The following ITGB4 variants were observed in gnomAD, a reference collection of about 807,000 sequenced individuals.
The protein encoded by ITGB4 is integrin subunit beta 4, also known as integrin beta-4.
ITGB4 carries 159 observed loss-of-function variants against 207.6 expected under a neutral mutation model. That is an observed-to-expected ratio of 0.77 (90% CI 0.67 to 0.87). ITGB4 has a LOEUF of 0.87. Among genes scored for constraint, ITGB4 ranks in the 40% least tolerant of loss-of-function variants. The pLI is 0.00. For missense variants in ITGB4, 2,278 were observed against 2,546.8 expected, an observed-to-expected ratio of 0.89 and a Z score of 2.27; for synonymous variants, 1,020 against 1,062.7, an observed-to-expected ratio of 0.96 and a Z score of 0.78.
Position 75,727,325 on chromosome 17 carries a change from AG to A in ITGB4, c.162+49del. On this transcript the variant is annotated intron_variant, in intron 3 of 39. Coordinates refer to ENST00000200181, the MANE Select transcript of ITGB4 (RefSeq NM_000213.5). The surrounding 1 kb of genome is among the most constrained non-coding windows in gnomAD (Gnocchi z 6.0). ...TGTGGAACAGGCAAGGGTCGGGAAT[AG>A]CTGGTGGAAATGAATCTAGGGTTGG... The A allele has an allele frequency of 6.2e-7, 1 of 1,612,640 alleles. No individual in the cohort carries two copies. Among genetic ancestry groups the A allele is most frequent in the African/African-American group, 1.3e-5 (1 of 75,050 alleles).
In ITGB4 at chr17:75,753,977, G is replaced by T; in HGVS notation, c.4318+3G>T. The T allele has an allele frequency of 8.1e-7, 1 of 1,239,062 alleles. No individual in the cohort carries two copies. Among genetic ancestry groups the T allele is most frequent in the African/African-American group, 1.6e-5 (1 of 63,716 alleles). 76.8% of individuals were successfully genotyped at this position (1,239,062 alleles called of 1,614,324 possible). On this transcript the variant is annotated splice_donor_region_variant and intron_variant, in intron 33 of 39. Transcript: ENST00000200181. Reference sequence around the variant, plus strand: ...TGCGACACCCGGGCCCCCCGGAGGTGACAGGCTCACCCGCCGCCCCCCGAT... The same window carrying T: ...TGCGACACCCGGGCCCCCCGGAGGTTACAGGCTCACCCGCCGCCCCCCGAT...
rs1236555706 is a variant in ITGB4 at position 75,727,005 on chromosome 17, G to A, written c.80-190G>A. 2.0e-5 allele frequency among the ~76,000 whole-genome samples: 3 copies of A among 151,820 alleles called. No individual in the cohort carries two copies. Among genetic ancestry groups the A allele is most frequent in the Non-Finnish European group, 4.4e-5 (3 of 67,972 alleles). ...GGAGAATGGCGTGAACACGGGTGGT[G>A]GAGCTTGCAGTGAGCCAGGATCACG... On this transcript the variant is annotated intron_variant, in intron 2 of 39. Coordinates refer to ENST00000200181, the MANE Select transcript of ITGB4 (RefSeq NM_000213.5). The surrounding 1 kb of genome is among the most constrained non-coding windows in gnomAD (Gnocchi z 6.0).
intron 34 of ITGB4, chr17:75,755,215 T>C: frequency 6.2e-7 from 1 of 1,602,278 alleles, no homozygotes; most frequent in African/African-American, 1.3e-5. Flanking sequence ...GGGGCCCAGG[T>C]AGTACAGGGG....
In ITGB4 at chr17:75,731,091, C is replaced by G; in HGVS notation, c.1092+127C>G. 7.0e-7 allele frequency: 1 copy of G among 1,420,794 alleles called. No homozygotes were observed. 88.0% of individuals were successfully genotyped at this position (1,420,794 alleles called of 1,614,324 possible). A position where few individuals can be genotyped will look rare whatever the true frequency, so the allele number is the denominator to read the frequency against. On this transcript the variant is annotated intron_variant, in intron 9 of 39. Transcript: ENST00000200181. This position sits in a 1 kb window ranked among gnomAD's most constrained non-coding sequence, Gnocchi z 6.8. ...CTGGGACAGACCAGTGAGGAAGGGT[C>G]TCTAGCTATCCCTGAGGCCCCGAGG...
intron 23 of ITGB4, among the ~76,000 whole-genome samples, chr17:75,741,397 A>G (rs2061106552): frequency 6.6e-6 from 1 of 152,060 alleles, no homozygotes; most frequent in South Asian, 2.1e-4. Context: ...CAGGTCACAC[A>G]CCTTTTTTCC....
Position 75,731,036 on chromosome 17 carries a change from G to GGTGT in ITGB4, c.1092+73_1092+76dup. Reference sequence around the variant, plus strand: ...CAGGAAGTGGGCAGGGTGGGCAAGAGGTGTCTTGGATCACGGTGGAGAAAT... The same window carrying GGTGT: ...CAGGAAGTGGGCAGGGTGGGCAAGAGGTGTGTGTCTTGGATCACGGTGGAGAAAT... On this transcript the variant is annotated intron_variant, in intron 9 of 39. Transcript: ENST00000200181. This position sits in a 1 kb window ranked among gnomAD's most constrained non-coding sequence, Gnocchi z 6.8. The GGTGT allele has an allele frequency of 6.8e-7, 1 of 1,473,872 alleles. No homozygotes were observed. Among genetic ancestry groups the GGTGT allele is most frequent in the Non-Finnish European group, 9.5e-7 (1 of 1,055,328 alleles). The allele number at this position is 1,473,872 out of a possible 1,614,324, so 91.3% of individuals were successfully genotyped here.
chr17:75,730,018 T>C (rs1364581375), intron 7 of ITGB4, among the ~76,000 whole-genome samples: 1 of 152,254 alleles, frequency 6.6e-6, no homozygotes. Context: ...TGCACGCCTG[T>C]GGCCCCAGCG....
chr17:75,755,454 G>C (rs1054764197), intron 34 of ITGB4, among the ~76,000 whole-genome samples: 1 of 152,156 alleles, frequency 6.6e-6, no homozygotes, highest in Admixed American at 6.5e-5. Flanking sequence ...CTGAGCAGTT[G>C]AGGGGGTGGG....
rs745944120 is a variant in ITGB4, at chr17:75,755,846, C to T, written c.4704C>T (p.Asn1568=). ...ACAGTGTGGAGTACCAGCTGCTGAA[C>T]GGCGGTGAGGCATGGTGGCTGCCAG... ...QGYSVEYQLL[N]GGELHRLNIP... is the part of the protein sequence containing the mutation. Residue 1568 remains asparagine (N), a synonymous_variant, in exon 35 of 40, where the codon AAC becomes AAT. Transcript: ENST00000200181. 38 of 1,603,528 alleles carry T rather than the reference C, an allele frequency of 2.4e-5. No individual in the cohort carries two copies. The highest frequency in any genetic ancestry group is 2.3e-4 in the South Asian group (21 of 90,904).
rs967283519 is a variant in ITGB4 at position 75,722,278 on chromosome 17, C to T, written c.-11+666C>T. ...CACTGCCACCTCCTGCAGCATCCGC[C>T]CTCTTTCCCATGGCTCAGCCTCTGG... On this transcript the variant is annotated intron_variant, in intron 1 of 39. Transcript: ENST00000200181. This position sits in a 1 kb window ranked among gnomAD's most constrained non-coding sequence, Gnocchi z 6.2. Among the ~76,000 whole-genome samples the T allele has an allele frequency of 7.2e-5, 11 of 152,194 alleles. No individual in the cohort carries two copies. The highest frequency in any genetic ancestry group is 4.6e-4 in the Admixed American group (7 of 15,286).
chr17:75,753,831 T>C lies in ITGB4; in HGVS notation c.4175T>C (p.Leu1392Pro). Residue 1392 changes from leucine (L) to proline (P), a missense_variant, in exon 33 of 40, where the codon CTG becomes CCG. Coordinates refer to ENST00000200181, the MANE Select transcript of ITGB4 (RefSeq NM_000213.5). ...GACCTGCGGCGCGTCACGTGGCGGC[T>C]GCCCCCGGAGCTCATCCCGCGCCTG... ...ELDLRRVTWR[L>P]PPELIPRLSA... 1 of 1,456,872 alleles carries C rather than the reference T, an allele frequency of 6.9e-7. No homozygotes were observed. The highest frequency in any genetic ancestry group is 9.0e-7 in the Non-Finnish European group (1 of 1,105,578). 90.2% of individuals were successfully genotyped at this position (1,456,872 alleles called of 1,614,324 possible). A position where few individuals can be genotyped will look rare whatever the true frequency, so the allele number is the denominator to read the frequency against.
rs537424300 is a variant in ITGB4, at chr17:75,739,254, C to T, written c.2221-418C>T. Among the ~76,000 whole-genome samples, 4 of 151,332 alleles carry T rather than the reference C, an allele frequency of 2.6e-5. No individual in the cohort carries two copies. Among genetic ancestry groups the T allele is most frequent in the South Asian group, 2.1e-4 (1 of 4,798 alleles). Reference sequence around the variant, plus strand: ...AGGTTGCAGTGAGCCGCGATCGTGCCACTGCATTCCAGCCTGGGCAACAGA... The same window carrying T: ...AGGTTGCAGTGAGCCGCGATCGTGCTACTGCATTCCAGCCTGGGCAACAGA... On this transcript the variant is annotated intron_variant, in intron 18 of 39. Transcript: ENST00000200181. The surrounding 1 kb of genome is among the most constrained non-coding windows in gnomAD (Gnocchi z 5.4).
rs763417144 is a variant in ITGB4, at chr17:75,740,869, C to T, written c.2609+18C>T. 11 of 1,613,442 alleles carry T rather than the reference C, an allele frequency of 6.8e-6. 1 individual carries two copies. The highest frequency in any genetic ancestry group is 1.7e-4 in the Middle Eastern group (1 of 5,838). ...AAGTTCCGGTGAGTCCCGGGGTGCC[C>T]GGGTTGGGTGGGGGAGCCGCTCCTA... On this transcript the variant is annotated intron_variant, in intron 22 of 39. Coordinates refer to ENST00000200181, the MANE Select transcript of ITGB4 (RefSeq NM_000213.5). The surrounding 1 kb of genome is among the most constrained non-coding windows in gnomAD (Gnocchi z 5.9).
chr17:75,733,643 C>T lies in ITGB4; in HGVS notation c.1608C>T (p.Cys536=). The change falls in exon 13 of 40, where the codon TGC becomes TGT. Residue 536 remains cysteine (C), a synonymous_variant. Coordinates refer to ENST00000200181, the MANE Select transcript of ITGB4 (RefSeq NM_000213.5). ...AAGGCCGCTACGAGGGTCAGTTCTG[C>T]GAGTATGACAACTTCCAGTGTCCCC... ...YGEGRYEGQF[C]EYDNFQCPRT... The T allele has an allele frequency of 4.3e-6, 7 of 1,614,196 alleles. No homozygotes were observed. Among genetic ancestry groups the T allele is most frequent in the South Asian group, 1.1e-5 (1 of 91,088 alleles).
Position 75,739,294 on chromosome 17 carries a change from CAAA to C in ITGB4, c.2221-366_2221-364del, listed in dbSNP as rs1284903352. 5.0e-5 allele frequency among the ~76,000 whole-genome samples: 6 copies of C among 120,458 alleles called. No homozygotes were observed. Among genetic ancestry groups the C allele is most frequent in the South Asian group, 2.6e-4 (1 of 3,854 alleles). 79.0% of individuals were successfully genotyped at this position (120,458 alleles called of 152,430 possible). A position where few individuals can be genotyped will look rare whatever the true frequency, so the allele number is the denominator to read the frequency against. ...TGGGCAACAGAGCGAGACCCTGTCTCAAAAAAAAAAAAAAGAAAAGAAACAAGT... is the reference window on the plus strand; with the variant it reads ...TGGGCAACAGAGCGAGACCCTGTCTCAAAAAAAAAAAGAAAAGAAACAAGT... On this transcript the variant is annotated intron_variant, in intron 18 of 39. Coordinates refer to ENST00000200181, the MANE Select transcript of ITGB4 (RefSeq NM_000213.5). The surrounding 1 kb of genome is among the most constrained non-coding windows in gnomAD (Gnocchi z 5.4).
At chr17:75,723,101 G>A (rs1165669794) in intron 1 of ITGB4, among the ~76,000 whole-genome samples, 1 of 152,200 alleles carries the variant, frequency 6.6e-6, no homozygotes, top group African/African-American at 2.4e-5. Flanking sequence ...TGTAGCTTCT[G>A]CGTGGAGGCT....
chr17:75,742,761 G>A lies in ITGB4; in HGVS notation c.2962G>A (p.Ala988Thr), dbSNP rs1238250172. The A allele has an allele frequency of 1.2e-6, 2 of 1,606,068 alleles. No individual in the cohort carries two copies. Among genetic ancestry groups the A allele is most frequent in the East Asian group, 4.5e-5 (2 of 44,846 alleles). The change falls in exon 25 of 40, where the codon GCC becomes ACC. Residue 988 changes from alanine (A) to threonine (T), a missense_variant and splice_region_variant. Ala to Thr is a moderately conservative substitution (Grantham distance 58). Transcript: ENST00000200181. This position sits in a 1 kb window ranked among gnomAD's most constrained non-coding sequence, Gnocchi z 5.9. ...AAACATCACCATCATCAAGGAGCAA[G>A]GTGGGTCTGGGTGGGGAGAGTGGGG... ...LVNITIIKEQARDVVSFEQPE... is the reference protein window; with the variant it reads ...LVNITIIKEQTRDVVSFEQPE...
In ITGB4 at chr17:75,727,119, G is replaced by A; in HGVS notation, c.80-76G>A. Reference sequence around the variant, plus strand: ...TAAGGAGGGAATCCCCATCTCTCCAGGTGAAGGTGCAGGTGGGAAAGTGCT... The same window carrying A: ...TAAGGAGGGAATCCCCATCTCTCCAAGTGAAGGTGCAGGTGGGAAAGTGCT... On this transcript the variant is annotated intron_variant, in intron 2 of 39. Transcript: ENST00000200181. This position sits in a 1 kb window ranked among gnomAD's most constrained non-coding sequence, Gnocchi z 6.0. 9.0e-7 allele frequency: 1 copy of A among 1,106,420 alleles called. No individual in the cohort carries two copies. The highest frequency in any genetic ancestry group is 1.4e-6 in the Non-Finnish European group (1 of 728,908). The allele number at this position is 1,106,420 out of a possible 1,614,324, so 68.5% of individuals were successfully genotyped here.
At position 75,731,751 on chromosome 17, in the gene ITGB4, A is replaced by T; in HGVS notation, c.1216-61A>T. ...ACTTGGGGGCCGAGGGCCTTCAGGC[A>T]TCGATGGCCCCCTGGTCCTTGGGGC... On this transcript the variant is annotated intron_variant, in intron 10 of 39. Coordinates refer to ENST00000200181, the MANE Select transcript of ITGB4 (RefSeq NM_000213.5). This position sits in a 1 kb window ranked among gnomAD's most constrained non-coding sequence, Gnocchi z 6.8. 2 of 1,501,948 alleles carry T rather than the reference A, an allele frequency of 1.3e-6. No individual in the cohort carries two copies. The highest frequency in any genetic ancestry group is 8.9e-7 in the Non-Finnish European group (1 of 1,117,882). The allele number at this position is 1,501,948 out of a possible 1,614,324, so 93.0% of individuals were successfully genotyped here.
Sources: allele counts gnomAD v4.1 joint callset (sites outside exome capture counted in the v4.1 genomes callset), GRCh38; gene constraint gnomAD v4.1.1; non-coding constraint Gnocchi (gnomAD v3.1); transcripts MANE v1.5; gene names NCBI Gene and HGNC (gene_info 2026-07-23, HGNC 2026-07-21).